Variants in NALCN observed in about 807,000 individuals in gnomAD.
The protein encoded by NALCN is sodium leak channel, non-selective.
Under a neutral mutation model 225.3 loss-of-function variants are expected in NALCN, and 111 were observed. The ratio of observed to expected loss-of-function variants is 0.49; its 90% CI spans 0.42 to 0.58. The LOEUF is 0.58. Ranked by LOEUF, NALCN falls within the 20% of genes least tolerant of loss-of-function variation. NALCN has a pLI of 0.00. For synonymous variants in NALCN, 764 were observed against 769.0 expected (o/e 0.99, Z 0.11); for missense variants, 1,378 against 2,202.4 (o/e 0.63, Z 7.49).
At chr13:101,215,195 A>T (rs1243949426) in intron 13 of NALCN, among the ~76,000 whole-genome samples, 1 of 152,182 alleles carries the variant, frequency 6.6e-6, no homozygotes, top group East Asian at 1.9e-4. Context: ...ATGAAAGTTT[A>T]TCAATACCAA....
intron 7 of NALCN, among the ~76,000 whole-genome samples, chr13:101,306,088 G>A (rs2044144271): frequency 6.6e-6 from 1 of 152,148 alleles, no homozygotes. Context: ...CTGCCATCCT[G>A]GAGGGTCTCC....
intron 40 of NALCN, among the ~76,000 whole-genome samples, chr13:101,064,637 G>A (rs1375419051): frequency 6.6e-6 from 1 of 151,806 alleles, no homozygotes; most frequent in Non-Finnish European, 1.5e-5. Flanking sequence ...GCTTCTACAA[G>A]CCAAGGAATG....
chr13:101,334,900 AG>A (rs71200742), intron 7 of NALCN, among the ~76,000 whole-genome samples: 18,838 of 152,124 alleles, frequency 0.12, 1,544 homozygotes, highest in East Asian at 0.38. Context: ...AAAGGAAGAG[AG>A]GGAAGGAGGG....
rs2047266400 is a variant in NALCN at position 101,395,514 on chromosome 13, A to G, written c.109-149T>C. 4.4e-6 allele frequency: 3 copies of G among 680,170 alleles called. No homozygotes were observed. In the African/African-American group the frequency reaches 5.5e-5, roughly 13 times the overall value. 42.1% of individuals were successfully genotyped at this position (680,170 alleles called of 1,614,324 possible). A position where few individuals can be genotyped will look rare whatever the true frequency, so the allele number is the denominator to read the frequency against. ...GAAGAAGAAATCTAACACTAAGTGC[A>G]TATAATGTGCTACAAATATTTTCAC... On this transcript the variant is annotated intron_variant, in intron 2 of 43. Coordinates refer to ENST00000251127, the MANE Select transcript of NALCN (RefSeq NM_052867.4).
At position 101,124,597 on chromosome 13, in the gene NALCN, AT is replaced by A; in HGVS notation, c.2192+10del. The A allele has an allele frequency of 6.2e-7, 1 of 1,608,630 alleles. No individual in the cohort carries two copies. On this transcript the variant is annotated intron_variant, in intron 18 of 43. Coordinates refer to ENST00000251127, the MANE Select transcript of NALCN (RefSeq NM_052867.4). Reference sequence around the variant, plus strand: ...TGTGTTTAAATATGTGTCAACATTAATTGGTGTTACCTTAAGATTTTAGTGA... The same window carrying A: ...TGTGTTTAAATATGTGTCAACATTAATGGTGTTACCTTAAGATTTTAGTGA...
At chr13:101,105,957 A>G (rs1408112890) in intron 22 of NALCN, among the ~76,000 whole-genome samples, 1 of 152,102 alleles carries the variant, frequency 6.6e-6, no homozygotes, top group African/African-American at 2.4e-5. Flanking sequence ...AGTTTCCTCG[A>G]GCTGCTGTAA....
At chr13:101,243,092 G>GTT (rs68186736) in intron 11 of NALCN, among the ~76,000 whole-genome samples, 1 of 74,026 alleles carries the variant, frequency 1.4e-5, no homozygotes, top group Non-Finnish European at 2.9e-5. Flanking sequence ...GCAGATTTAT[G>GTT]TTTTTTTTTT....
chr13:101,195,315 T>G (rs1427491658), intron 13 of NALCN, among the ~76,000 whole-genome samples: 2 of 152,234 alleles, frequency 1.3e-5, no homozygotes, highest in Non-Finnish European at 2.9e-5. Context: ...AAACCCATCT[T>G]TTATCTGCCA....
chr13:101,132,221 T>C (rs1037083535), intron 17 of NALCN, among the ~76,000 whole-genome samples: 4 of 152,136 alleles, frequency 2.6e-5, no homozygotes, highest in Admixed American at 2.6e-4. Flanking sequence ...TTTTTAATTG[T>C]AGATATTTTC....
rs12428662 is a variant in NALCN at position 101,377,277 on chromosome 13, A to G, written c.376-221T>C. Among the ~76,000 whole-genome samples the G allele has an allele frequency of 0.21, 32,677 of 152,168 alleles. 3,653 individuals are homozygous for G. Among genetic ancestry groups the G allele is most frequent in the Non-Finnish European group, 0.24 (16,241 of 67,988 alleles). On this transcript the variant is annotated intron_variant, in intron 4 of 43. Coordinates refer to ENST00000251127, the MANE Select transcript of NALCN (RefSeq NM_052867.4). The stretch of plus-strand genomic sequence containing the variant: ...AACTAATAAGAACAACATTAATCTT[A>G]TTCATTTCCTGTCTCGTTCGTTAAG...
intron 15 of NALCN, among the ~76,000 whole-genome samples, chr13:101,149,258 A>G (rs189089339): frequency 1.3e-5 from 2 of 150,338 alleles, no homozygotes; most frequent in Non-Finnish European, 2.9e-5. Flanking sequence ...GTGCCACTGC[A>G]CTCCAGCCTG....
intron 7 of NALCN, among the ~76,000 whole-genome samples, chr13:101,301,079 T>C (rs2043947813): frequency 6.6e-6 from 1 of 152,210 alleles, no homozygotes. Flanking sequence ...TGTAGAAAAT[T>C]TCTAAAGTTC....
chr13:101,104,533 C>A lies in NALCN; in HGVS notation c.2754G>T (p.Leu918Phe), dbSNP rs866828688. 1 of 1,613,860 alleles carries A rather than the reference C, an allele frequency of 6.2e-7. No homozygotes were observed. The highest frequency in any genetic ancestry group is 1.7e-5 in the Admixed American group (1 of 59,980). ...PFRRVMHAPT[L>F]QIAEYVFVIF... ...ATTTTGCAGCGGTAAGCGGTACCTG[C>A]AAAGTAGGTGCATGCATGACTCTTC... is the stretch of plus-strand genomic sequence containing the variant. The change falls in exon 24 of 44, where the codon TTG becomes TTT. Residue 918 changes from leucine (L) to phenylalanine (F), a missense_variant. Coordinates refer to ENST00000251127, the MANE Select transcript of NALCN (RefSeq NM_052867.4). This position sits in a 1 kb window ranked among gnomAD's most constrained non-coding sequence, Gnocchi z 4.2.
chr13:101,111,520 A>G (rs2035436088), intron 18 of NALCN, among the ~76,000 whole-genome samples: 1 of 152,106 alleles, frequency 6.6e-6, no homozygotes, highest in Non-Finnish European at 1.5e-5. Flanking sequence ...TAGAGCTTCT[A>G]TCAGGACACC....
intron 15 of NALCN, among the ~76,000 whole-genome samples, chr13:101,160,104 A>AGCCTG (rs2038098297): frequency 2.0e-5 from 3 of 151,276 alleles, no homozygotes; most frequent in African/African-American, 7.3e-5. Flanking sequence ...ACAGGTACAC[A>AGCCTG]CCACCATGCC....
intron 6 of NALCN, among the ~76,000 whole-genome samples, chr13:101,361,715 T>C (rs533524988): frequency 6.6e-6 from 1 of 152,318 alleles, no homozygotes; most frequent in South Asian, 2.1e-4. Context: ...GTTATAAGTA[T>C]TAAGTGAGAA....
chr13:101,139,299 A>G (rs928021575), intron 17 of NALCN, among the ~76,000 whole-genome samples: 1 of 152,118 alleles, frequency 6.6e-6, no homozygotes, highest in Admixed American at 6.6e-5. Flanking sequence ...GCAATGCTTC[A>G]TCAAACCCCA....
chr13:101,114,907 A>G (rs2035632460), intron 18 of NALCN, among the ~76,000 whole-genome samples: 1 of 152,256 alleles, frequency 6.6e-6, no homozygotes. Flanking sequence ...CGTTCTCTCC[A>G]TGCCATTTTC....
chr13:101,305,865 G>A (rs1354089761), intron 7 of NALCN, among the ~76,000 whole-genome samples: 1 of 152,214 alleles, frequency 6.6e-6, no homozygotes, highest in Non-Finnish European at 1.5e-5. Context: ...GCCAGTGCCT[G>A]GCAGATGAAA....
Sources: gnomAD v4.1 joint callset for allele counts (sites outside exome capture counted in the v4.1 genomes callset) on GRCh38, gnomAD v4.1.1 for gene constraint, Gnocchi (gnomAD v3.1) non-coding constraint, MANE v1.5 for transcripts, NCBI Gene and HGNC (gene_info 2026-07-23, HGNC 2026-07-21) for gene names.